The following RFX3 variants were observed in gnomAD, a reference collection of about 807,000 sequenced individuals.
RFX3 encodes the protein transcription factor RFX3.
RFX3 carries 14 observed loss-of-function variants against 98.6 expected under a neutral mutation model. The observed-to-expected ratio is 0.14, with a 90% CI of 0.09 to 0.22. The LOEUF is 0.22. RFX3 is among the 10% of genes least tolerant of loss of function. The probability of loss-of-function intolerance (pLI) is 1.00; values close to 1 mark genes in which losing one functional copy is unlikely to be tolerated. For missense variants in RFX3, 639 were observed against 926.9 expected (o/e 0.69, Z 4.03); for synonymous variants, 383 against 328.4 (o/e 1.17, Z -1.80).
At chr9:3,227,838 T>A (rs1335876037) in intron 16 of RFX3, among the ~76,000 whole-genome samples, 1 of 152,216 alleles carries the variant, frequency 6.6e-6, no homozygotes, top group East Asian at 1.9e-4. Flanking sequence ...TATAATTTTC[T>A]CATTTCCCTG....
chr9:3,270,945 ATTAG>A, intron 10 of RFX3, 54 bp downstream of exon 10: 1 of 1,611,468 alleles, frequency 6.2e-7, no homozygotes, highest in Non-Finnish European at 8.5e-7. Flanking sequence ...TCTCTAATTT[ATTAG>A]TTGTGACATC....
At chr9:3,471,316 C>T (rs1301760650) in intron 1 of RFX3, among the ~76,000 whole-genome samples, 1 of 152,208 alleles carries the variant, frequency 6.6e-6, no homozygotes, top group Admixed American at 6.5e-5. Context: ...ATCATTCTGG[C>T]ATCATTTTAC....
chr9:3,271,736 G>A (rs1212780445), intron 9 of RFX3, among the ~76,000 whole-genome samples: 10 of 152,150 alleles, frequency 6.6e-5, no homozygotes, highest in African/African-American at 2.4e-4. Flanking sequence ...GTGTGGAGTT[G>A]CTTTTGTGTG....
chr9:3,250,820 G>C (rs976880854), intron 14 of RFX3, among the ~76,000 whole-genome samples: 3 of 151,808 alleles, frequency 2.0e-5, no homozygotes, highest in Non-Finnish European at 4.4e-5. Flanking sequence ...TAATCGTTAA[G>C]TTGAAGCAAG....
In RFX3 at chr9:3,365,539, G is replaced by A. The variant is rs79335181; in HGVS notation, c.118-18775C>T. On this transcript the variant is annotated intron_variant, in intron 2 of 16. Transcript: ENST00000617270. ...CTTACTATTCATCTAAATCCCTGAA[G>A]AAAAGAAAAAGAGTAGCAACCATAA... Among the ~76,000 whole-genome samples, 85 of 151,952 alleles carry A rather than the reference G, an allele frequency of 5.6e-4. 2 individuals carry two copies. The East Asian group carries it at 0.014, about 26-fold the overall frequency.
intron 4 of RFX3, among the ~76,000 whole-genome samples, chr9:3,316,580 C>CA (rs1563915739): frequency 3.3e-5 from 5 of 152,168 alleles, no homozygotes; most frequent in Admixed American, 6.5e-5. Flanking sequence ...AAGAGGAAGT[C>CA]AAATTGTCCC....
chr9:3,447,497 G>A (rs930568182), intron 1 of RFX3, among the ~76,000 whole-genome samples: 9 of 152,082 alleles, frequency 5.9e-5, no homozygotes, highest in Non-Finnish European at 1.2e-4. Context: ...AATTTTCTCA[G>A]GTTAACCAGA....
rs1420845009 is a variant in RFX3 at position 3,219,992 on chromosome 9, C to T, written c.*5050G>A. The T allele has an allele frequency of 6.6e-6, 1 of 152,136 alleles. No homozygotes were observed. Among genetic ancestry groups the T allele is most frequent in the Non-Finnish European group, 1.5e-5 (1 of 68,030 alleles). 9.4% of individuals were successfully genotyped at this position (152,136 alleles called of 1,614,324 possible). On this transcript the variant is annotated 3_prime_UTR_variant, in exon 17 of 17. Coordinates refer to ENST00000617270, the MANE Select transcript of RFX3 (RefSeq NM_001282116.2). ...GGAATCAAGTGCACGAAGAGATTCC[C>T]TTGAACAAAATCAGCAATGGTGTAA...
At chr9:3,397,895 T>A (rs1841061249) in intron 1 of RFX3, among the ~76,000 whole-genome samples, 1 of 152,186 alleles carries the variant, frequency 6.6e-6, no homozygotes, top group Admixed American at 6.5e-5. Context: ...ATAATCTGCA[T>A]TTACAAATGA....
At chr9:3,314,309 G>C (rs1025928796) in intron 4 of RFX3, among the ~76,000 whole-genome samples, 33 of 152,132 alleles carry the variant, frequency 2.2e-4, no homozygotes, top group African/African-American at 7.7e-4. Flanking sequence ...ATCCATTACA[G>C]ACAAGCAAAT....
At chr9:3,258,156 C>T (rs1245514338) in intron 13 of RFX3, among the ~76,000 whole-genome samples, 1 of 152,046 alleles carries the variant, frequency 6.6e-6, no homozygotes, top group Non-Finnish European at 1.5e-5. Flanking sequence ...GCCTCAGTTT[C>T]CCTAAGCATA....
intron 1 of RFX3, among the ~76,000 whole-genome samples, chr9:3,457,476 G>A (rs117706546): frequency 6.6e-6 from 1 of 152,170 alleles, no homozygotes; most frequent in Non-Finnish European, 1.5e-5. Flanking sequence ...ATTTTATTTT[G>A]ATAGAGAAAT....
rs570827158 is a variant in RFX3, at chr9:3,288,550, C to T, written c.732-300G>A. On this transcript the variant is annotated intron_variant, in intron 6 of 16. Transcript: ENST00000617270. ...TTCCATACAAATTACATTCCATTTT[C>T]AAATTTCTATTTTAAATTTAGTTAA... Among the ~76,000 whole-genome samples the T allele has an allele frequency of 2.4e-3, 364 of 151,974 alleles. 1 individual carries two copies. Among genetic ancestry groups the T allele is most frequent in the South Asian group, 6.4e-3 (31 of 4,822 alleles).
At chr9:3,515,949 T>C (rs1818113435) in intron 1 of RFX3, among the ~76,000 whole-genome samples, 1 of 152,182 alleles carries the variant, frequency 6.6e-6, no homozygotes. Context: ...CAGCAGAATA[T>C]ATGACTTATC....
intron 1 of RFX3, among the ~76,000 whole-genome samples, chr9:3,464,103 A>T (rs1353885105): frequency 6.6e-6 from 1 of 152,228 alleles, no homozygotes; most frequent in African/African-American, 2.4e-5. Flanking sequence ...TTACCATTAC[A>T]CCTTCATTAG....
chr9:3,255,963 ATC>A (rs757980667), intron 14 of RFX3, among the ~76,000 whole-genome samples: 5 of 151,650 alleles, frequency 3.3e-5, no homozygotes, highest in Non-Finnish European at 7.4e-5. Flanking sequence ...CCTAATCATT[ATC>A]TCTCTCTTTT....
intron 1 of RFX3, among the ~76,000 whole-genome samples, chr9:3,424,085 T>C (rs1004855517): frequency 2.9e-4 from 43 of 150,204 alleles, no homozygotes; most frequent in African/African-American, 1.0e-3. Flanking sequence ...AGGTGGAGCT[T>C]GCAGTGAGCT....
At chr9:3,387,073 C>A (rs1462652648) in intron 2 of RFX3, among the ~76,000 whole-genome samples, 3 of 152,148 alleles carry the variant, frequency 2.0e-5, no homozygotes, top group African/African-American at 7.2e-5. Flanking sequence ...ACCAGAGATA[C>A]CCTCTTCCAG....
At position 3,257,128 on chromosome 9, in the gene RFX3, A is replaced by G. The variant is rs1321871219; in HGVS notation, c.1677T>C (p.Thr559=). Residue 559 remains threonine, a synonymous_variant, in exon 14 of 17, where the codon ACT becomes ACC. Coordinates refer to ENST00000617270, the MANE Select transcript of RFX3 (RefSeq NM_001282116.2). ...GCTCCAGGGTGCTCTGCTGCTGAAG[A>G]GTCATCTTGAAGTCTGTTTCTAGTC... ...VQRLETDFKM[T]LQQQSTLEQW... 1 of 1,613,868 alleles carries G rather than the reference A, an allele frequency of 6.2e-7. No homozygotes were observed. Among genetic ancestry groups the G allele is most frequent in the East Asian group, 2.2e-5 (1 of 44,864 alleles).
Sources: gnomAD v4.1 joint callset for allele counts (sites outside exome capture counted in the v4.1 genomes callset) on GRCh38, gnomAD v4.1.1 for gene constraint, MANE v1.5 for transcripts, NCBI Gene and HGNC (gene_info 2026-07-23, HGNC 2026-07-21) for gene names.